Variants in BCHE observed in about 807,000 individuals in gnomAD.
BCHE encodes cholinesterase.
A neutral mutation model predicts 51.3 loss-of-function variants in BCHE; 48 were observed. That is an observed-to-expected ratio of 0.94 (90% CI 0.74 to 1.19). The LOEUF is 1.19. BCHE is among the 50% of genes most tolerant of loss of function. BCHE has a pLI of 0.00. For synonymous variants in BCHE, 251 were observed against 238.0 expected, an observed-to-expected ratio of 1.05 and a Z score of -0.50; for missense variants, 847 against 708.2, an observed-to-expected ratio of 1.20 and a Z score of -2.23.
intron 2 of BCHE, among the ~76,000 whole-genome samples, chr3:165,816,594 T>C (rs147134539): frequency 6.6e-6 from 1 of 152,158 alleles, no homozygotes; most frequent in African/African-American, 2.4e-5. Flanking sequence ...AAACACCACA[T>C]CTTTGCTACC....
intron 2 of BCHE, among the ~76,000 whole-genome samples, chr3:165,817,331 G>A (rs1714349186): frequency 6.6e-6 from 1 of 151,842 alleles, no homozygotes; most frequent in Non-Finnish European, 1.5e-5. Flanking sequence ...TCATGCTTGT[G>A]TACCTACCAG....
At chr3:165,784,324 A>G (rs1712853380) in intron 3 of BCHE, among the ~76,000 whole-genome samples, 1 of 151,998 alleles carries the variant, frequency 6.6e-6, no homozygotes, top group Admixed American at 6.6e-5. Context: ...GATTTTGTTC[A>G]AATGTAACAT....
rs147830270 is a variant in BCHE, at chr3:165,814,864, C to G, written c.1517+14653G>C. The stretch of plus-strand genomic sequence containing the variant: ...AATGTTTAGTATAATTATGTCCCAT[C>G]AGACGTATGGGTCATATTTATACTA... On this transcript the variant is annotated intron_variant, in intron 2 of 3. Transcript: ENST00000264381. Among the ~76,000 whole-genome samples the G allele has an allele frequency of 5.5e-3, 834 of 151,320 alleles. 4 individuals carry two copies. Among genetic ancestry groups the G allele is most frequent in the African/African-American group, 0.019 (785 of 41,328 alleles).
In BCHE at chr3:165,773,194, G is replaced by T; in HGVS notation, c.*188C>A. On this transcript the variant is annotated 3_prime_UTR_variant, in exon 4 of 4. Coordinates refer to ENST00000264381, the MANE Select transcript of BCHE (RefSeq NM_000055.4). ...TATATTGTGAAATTTAATTAAACAC[G>T]TTCTAGCCATTTGGGTTTTGAAATG... 1 of 541,362 alleles carries T rather than the reference G, an allele frequency of 1.8e-6. No individual in the cohort carries two copies. The highest frequency in any genetic ancestry group is 3.4e-5 in the Admixed American group (1 of 28,986). 33.5% of individuals were successfully genotyped at this position (541,362 alleles called of 1,614,324 possible).
chr3:165,777,325 C>G (rs1394442171), intron 3 of BCHE, among the ~76,000 whole-genome samples: 2 of 150,880 alleles, frequency 1.3e-5, no homozygotes, highest in South Asian at 2.1e-4. Flanking sequence ...AGATAATTTA[C>G]TTTTTGCCAA....
intron 2 of BCHE, among the ~76,000 whole-genome samples, chr3:165,819,074 CTTTTTT>C (rs5854159): frequency 4.4e-5 from 6 of 136,596 alleles, no homozygotes; most frequent in Admixed American, 1.5e-4. Context: ...TTTTTAACTT[CTTTTTT>C]TTTTTTTTTT....
chr3:165,807,701 C>T (rs1015040465), intron 2 of BCHE, among the ~76,000 whole-genome samples: 1 of 151,748 alleles, frequency 6.6e-6, no homozygotes, highest in African/African-American at 2.4e-5. Flanking sequence ...ACTACAGGCA[C>T]ATGCCACCAC....
rs142023138 is a variant in BCHE at position 165,790,868 on chromosome 3, G to A, written c.1518-4557C>T. ...GGACAGTGTGACTAGAGTGGAGGGAGCAAGGGAATGAGTGTAGGAGGTGAG... is the reference window on the plus strand; with the variant it reads ...GGACAGTGTGACTAGAGTGGAGGGAACAAGGGAATGAGTGTAGGAGGTGAG... On this transcript the variant is annotated intron_variant, in intron 2 of 3. Transcript: ENST00000264381. Among the ~76,000 whole-genome samples, 412 of 152,228 alleles carry A rather than the reference G, an allele frequency of 2.7e-3. 5 individuals carry two copies. The highest frequency in any genetic ancestry group is 9.4e-3 in the African/African-American group (392 of 41,558).
chr3:165,796,758 T>C (rs1364097360), intron 2 of BCHE, among the ~76,000 whole-genome samples: 1 of 152,146 alleles, frequency 6.6e-6, no homozygotes, highest in Non-Finnish European at 1.5e-5. Context: ...ACTAAAGTCG[T>C]TGGATAGAGT....
At chr3:165,774,418 C>T (rs1712388074) in intron 3 of BCHE, among the ~76,000 whole-genome samples, 1 of 152,118 alleles carries the variant, frequency 6.6e-6, no homozygotes, top group Admixed American at 6.6e-5. Context: ...ACCGCAACCT[C>T]TGCCTCCTGG....
chr3:165,804,127 A>G (rs1202481726), intron 2 of BCHE, among the ~76,000 whole-genome samples: 5 of 152,062 alleles, frequency 3.3e-5, no homozygotes, highest in Non-Finnish European at 7.4e-5. Flanking sequence ...AGGAGGAGAG[A>G]GACTACACAC....
intron 3 of BCHE, among the ~76,000 whole-genome samples, chr3:165,782,413 C>T (rs959296830): frequency 2.0e-5 from 3 of 151,890 alleles, no homozygotes; most frequent in Admixed American, 6.6e-5. Flanking sequence ...ATTTGTGAAA[C>T]GGTAAATTTA....
chr3:165,817,593 T>A (rs1467720127), intron 2 of BCHE, among the ~76,000 whole-genome samples: 9 of 152,074 alleles, frequency 5.9e-5, no homozygotes, highest in Admixed American at 5.9e-4. Flanking sequence ...TTCTCTCTTC[T>A]GGGAAAATTT....
At chr3:165,827,594 A>G (rs527882668) in intron 2 of BCHE, among the ~76,000 whole-genome samples, 150 of 152,130 alleles carry the variant, frequency 9.9e-4, no homozygotes, top group Non-Finnish European at 1.9e-3. Context: ...AAATTCCTCA[A>G]TGATTGCAAC....
intron 1 of BCHE, among the ~76,000 whole-genome samples, chr3:165,834,685 A>G (rs1715124992): frequency 2.0e-5 from 3 of 151,962 alleles, no homozygotes; most frequent in Non-Finnish European, 2.9e-5. Flanking sequence ...TGAGCAATCG[A>G]AAGAGAAATA....
intron 2 of BCHE, among the ~76,000 whole-genome samples, chr3:165,822,499 A>G (rs1387737418): frequency 6.6e-6 from 1 of 152,090 alleles, no homozygotes; most frequent in African/African-American, 2.4e-5. Context: ...TTTACAGATA[A>G]GAAAAAAATA....
intron 2 of BCHE, among the ~76,000 whole-genome samples, chr3:165,800,394 T>G (rs879933957): frequency 6.6e-6 from 1 of 152,114 alleles, no homozygotes; most frequent in Non-Finnish European, 1.5e-5. Context: ...CTACTAGAAT[T>G]CCAGGCCCCA....
chr3:165,800,268 T>A (rs940225321), intron 2 of BCHE, among the ~76,000 whole-genome samples: 1 of 152,140 alleles, frequency 6.6e-6, no homozygotes, highest in Non-Finnish European at 1.5e-5. Context: ...TTCTAACTTC[T>A]GTTTTTTCAC....
intron 2 of BCHE, among the ~76,000 whole-genome samples, chr3:165,793,939 C>A (rs989865682): frequency 6.6e-6 from 1 of 151,832 alleles, no homozygotes; most frequent in Non-Finnish European, 1.5e-5. Context: ...CCCAGCTCCT[C>A]GGAAGGCTGA....
Sources: allele counts gnomAD v4.1 joint callset (sites outside exome capture counted in the v4.1 genomes callset), GRCh38; gene constraint gnomAD v4.1.1; transcripts MANE v1.5; gene names NCBI Gene and HGNC (gene_info 2026-07-23, HGNC 2026-07-21).